Variants in ZBTB20 observed in about 807,000 individuals in gnomAD.
The protein encoded by ZBTB20 is zinc finger and BTB domain-containing protein 20.
ZBTB20 carries 9 observed loss-of-function variants against 56.9 expected under a neutral mutation model. The observed-to-expected ratio is 0.16, with a 90% confidence interval of 0.10 to 0.28. The LOEUF (loss-of-function observed/expected upper bound fraction) is 0.28. Among genes scored for constraint, ZBTB20 ranks in the 10% least tolerant of loss-of-function variants. The pLI is 1.00. For synonymous variants in ZBTB20, 417 were observed against 420.7 expected, an observed-to-expected ratio of 0.99 and a Z score of 0.11; for missense variants, 655 against 1,003.0, an observed-to-expected ratio of 0.65 and a Z score of 4.69.
intron 6 of ZBTB20, among the ~76,000 whole-genome samples, chr3:114,672,852 A>G (rs1340491107): frequency 6.6e-6 from 1 of 152,194 alleles, no homozygotes; most frequent in Non-Finnish European, 1.5e-5. Context: ...AATCAGCTCA[A>G]GTTTCACAAA....
At chr3:114,425,315 T>C (rs571697112) in intron 7 of ZBTB20, among the ~76,000 whole-genome samples, 4 of 152,338 alleles carry the variant, frequency 2.6e-5, no homozygotes, top group Non-Finnish European at 5.9e-5. Context: ...AGTCCCCCAC[T>C]GAGGCAGCAT....
intron 5 of ZBTB20, among the ~76,000 whole-genome samples, chr3:114,742,497 G>C (rs1293397478): frequency 6.6e-6 from 1 of 152,062 alleles, no homozygotes; most frequent in African/African-American, 2.4e-5. Flanking sequence ...CATACCACAA[G>C]CCAGGTACGA....
intron 5 of ZBTB20, among the ~76,000 whole-genome samples, chr3:114,770,410 T>C (rs1206363474): frequency 6.8e-6 from 1 of 147,780 alleles, no homozygotes; most frequent in Non-Finnish European, 1.5e-5. Context: ...GATTATGCCA[T>C]TGCACTCCAG....
At chr3:114,921,240 A>G (rs965014055) in intron 3 of ZBTB20, among the ~76,000 whole-genome samples, 5 of 152,088 alleles carry the variant, frequency 3.3e-5, no homozygotes, top group Admixed American at 2.6e-4. Context: ...CTCCTGCTTC[A>G]GCTTCCCAAG....
At position 114,437,915 on chromosome 3, in the gene ZBTB20, C is replaced by G. The variant is rs149741540; in HGVS notation, c.-254-48810G>C. ...CTAACAAACTGTCAGTGTGGACAGG[C>G]CCATCCATCTCTGGGGTCTGCTCCA... On this transcript the variant is annotated intron_variant, in intron 7 of 11. Transcript: ENST00000675478. Among the ~76,000 whole-genome samples the G allele has an allele frequency of 4.1e-4, 63 of 152,184 alleles. No individual in the cohort carries two copies. In the East Asian group the frequency reaches 0.012, roughly 29 times the overall value.
chr3:115,001,456 T>A (rs2079244259), intron 2 of ZBTB20, among the ~76,000 whole-genome samples: 1 of 150,924 alleles, frequency 6.6e-6, no homozygotes, highest in African/African-American at 2.4e-5. Flanking sequence ...TTTTTTTAAA[T>A]CACATATTAA....
chr3:114,790,423 TATTCATAAATACTCATTACCCTGAAA>T (rs2070861947), intron 5 of ZBTB20, among the ~76,000 whole-genome samples: 1 of 152,136 alleles, frequency 6.6e-6, no homozygotes, highest in South Asian at 2.1e-4. Context: ...GCAACATATT[TATTCATAAATACTCATTACCCTGAAA>T]ATTATGGTCA....
rs1320064894 is a variant in ZBTB20, at chr3:114,323,583, AG to A, written c.*15421del. 6.6e-6 allele frequency: 1 copy of A among 152,252 alleles called. No individual in the cohort carries two copies. Among genetic ancestry groups the A allele is most frequent in the East Asian group, 1.9e-4 (1 of 5,198 alleles). 9.4% of individuals were successfully genotyped at this position (152,252 alleles called of 1,614,324 possible). A position where few individuals can be genotyped will look rare whatever the true frequency, so the allele number is the denominator to read the frequency against. The stretch of plus-strand genomic sequence containing the variant: ...GCACAAGCAAGGGGCTTTGTGGAGG[AG>A]GCCAAGGCAAAGACTTCTACATCAT... On this transcript the variant is annotated 3_prime_UTR_variant, in exon 12 of 12. Transcript: ENST00000675478.
chr3:114,766,529 G>GTA (rs1491027521), intron 5 of ZBTB20, among the ~76,000 whole-genome samples: 1 of 148,954 alleles, frequency 6.7e-6, no homozygotes, highest in Non-Finnish European at 1.5e-5. Context: ...GTGTGTGTGT[G>GTA]TATAAGCTAA....
At chr3:114,461,287 A>T (rs1559820647) in intron 7 of ZBTB20, among the ~76,000 whole-genome samples, 1 of 148,848 alleles carries the variant, frequency 6.7e-6, no homozygotes, top group Non-Finnish European at 1.5e-5. Flanking sequence ...AACAAACAAA[A>T]CAATCTCCTC....
chr3:114,548,911 GA>G (rs1431355179), intron 6 of ZBTB20, among the ~76,000 whole-genome samples: 1 of 152,188 alleles, frequency 6.6e-6, no homozygotes, highest in Non-Finnish European at 1.5e-5. Context: ...ATTAAGAACT[GA>G]AAAGGTACAT....
chr3:114,564,898 T>C (rs188787877), intron 6 of ZBTB20, among the ~76,000 whole-genome samples: 20 of 152,304 alleles, frequency 1.3e-4, no homozygotes, highest in African/African-American at 3.8e-4. Context: ...AGAAATTCCC[T>C]TATGTCACGC....
chr3:114,510,850 C>A (rs77359140), intron 6 of ZBTB20, among the ~76,000 whole-genome samples: 2 of 151,910 alleles, frequency 1.3e-5, no homozygotes, highest in African/African-American at 4.8e-5. Flanking sequence ...GGTAAAAGAC[C>A]GAGAGCTCCT....
chr3:114,879,987 G>GC (rs1351594631), intron 4 of ZBTB20, among the ~76,000 whole-genome samples: 18 of 152,088 alleles, frequency 1.2e-4, no homozygotes, highest in Admixed American at 5.9e-4. Context: ...TTAAATATTT[G>GC]ATTTTTTAAA....
intron 10 of ZBTB20, among the ~76,000 whole-genome samples, chr3:114,376,239 T>A (rs1171132616): frequency 6.6e-6 from 1 of 152,150 alleles, no homozygotes; most frequent in Non-Finnish European, 1.5e-5. Flanking sequence ...AATCAAAGGA[T>A]AAAAGCTGTG....
chr3:114,702,150 C>A (rs928993697), intron 5 of ZBTB20, among the ~76,000 whole-genome samples: 1 of 152,014 alleles, frequency 6.6e-6, no homozygotes, highest in Non-Finnish European at 1.5e-5. Context: ...CCAGCCTAGA[C>A]AACATGGTGG....
chr3:115,126,561 G>C (rs2084339005), intron 1 of ZBTB20, among the ~76,000 whole-genome samples: 1 of 152,060 alleles, frequency 6.6e-6, no homozygotes, highest in South Asian at 2.1e-4. Flanking sequence ...CAACATGGGT[G>C]AATCTTAATA....
chr3:114,755,676 C>T (rs2067960758), intron 5 of ZBTB20, among the ~76,000 whole-genome samples: 1 of 151,804 alleles, frequency 6.6e-6, no homozygotes, highest in East Asian at 1.9e-4. Flanking sequence ...TTTTCTCTCT[C>T]TAGAAACACA....
chr3:114,346,633 G>C (rs560032761), intron 11 of ZBTB20, among the ~76,000 whole-genome samples: 2 of 151,378 alleles, frequency 1.3e-5, no homozygotes, highest in East Asian at 3.9e-4. Context: ...CTTAAAGGTA[G>C]AGCTTAGCTC....
Sources: allele counts gnomAD v4.1 joint callset (sites outside exome capture counted in the v4.1 genomes callset), GRCh38; gene constraint gnomAD v4.1.1; transcripts MANE v1.5; gene names NCBI Gene and HGNC (gene_info 2026-07-23, HGNC 2026-07-21).